The following OR7E24 variants were observed in gnomAD, a reference collection of about 807,000 sequenced individuals.
OR7E24 encodes olfactory receptor 7E24.
For synonymous variants in OR7E24, 130 were observed against 157.5 expected, an observed-to-expected ratio of 0.83 and a Z score of 1.31; for missense variants, 385 against 410.3, an observed-to-expected ratio of 0.94 and a Z score of 0.53.
At chr19:9,212,439 A>C in the OR7E24 span, 1 of 152,208 alleles carries the variant, frequency 6.6e-6, no homozygotes, top group African/African-American at 2.4e-5. Flanking sequence ...ATTCCAAATC[A>C]GTGAAAAATG....
At chr19:9,221,678 G>A in the OR7E24 span, among the ~76,000 whole-genome samples, 6 of 151,970 alleles carry the variant, frequency 3.9e-5, no homozygotes, top group South Asian at 2.1e-4. Flanking sequence ...AAATTGGGTC[G>A]TTTTCTTCCT....
upstream of OR7E24, among the ~76,000 whole-genome samples, chr19:9,249,144 C>T (rs577340316): frequency 3.2e-4 from 49 of 152,270 alleles, no homozygotes; most frequent in African/African-American, 1.2e-3. Flanking sequence ...CTGAAATATC[C>T]AGGAACCTAG....
Position 9,252,067 on chromosome 19 carries a change from T to C in OR7E24, c.*4T>C. 6.2e-7 allele frequency: 1 copy of C among 1,609,060 alleles called. No homozygotes were observed. The highest frequency in any genetic ancestry group is 1.1e-5 in the South Asian group (1 of 90,722). Reference sequence around the variant, plus strand: ...TCCTTTTTGTTATATGGGATAGAAATGGCAGCAAAATTTAACACCTAGGCC... The same window carrying C: ...TCCTTTTTGTTATATGGGATAGAAACGGCAGCAAAATTTAACACCTAGGCC... On this transcript the variant is annotated 3_prime_UTR_variant, in exon 1 of 1. Transcript: ENST00000456448.
chr19:9,233,446 C>T, the OR7E24 span, among the ~76,000 whole-genome samples: 2 of 152,232 alleles, frequency 1.3e-5, no homozygotes, highest in African/African-American at 2.4e-5. Flanking sequence ...CACGTACACA[C>T]GAGAACAGAC....
chr19:9,213,767 A>G, the OR7E24 span: 2 of 662,016 alleles, frequency 3.0e-6, no homozygotes, highest in African/African-American at 1.8e-5. Flanking sequence ...ACAACAAACA[A>G]CCCAATAACA....
At chr19:9,237,469 C>A in the OR7E24 span, among the ~76,000 whole-genome samples, 2 of 151,668 alleles carry the variant, frequency 1.3e-5, no homozygotes, top group Non-Finnish European at 2.9e-5. Flanking sequence ...CCCCACCACG[C>A]CTGGGTAATT....
At chr19:9,236,248 T>C in the OR7E24 span, 5 of 546,396 alleles carry the variant, frequency 9.2e-6, no homozygotes, top group Admixed American at 3.1e-5. Context: ...CACGGTGGCT[T>C]ACACCTGTAA....
At chr19:9,206,756 TTTAAG>T in the OR7E24 span, 3 of 152,244 alleles carry the variant, frequency 2.0e-5, no homozygotes, top group African/African-American at 7.2e-5. Flanking sequence ...GTATTTCAAA[TTTAAG>T]TTAATTTTCA....
the OR7E24 span, chr19:9,212,111 C>T: frequency 8.5e-5 from 13 of 152,140 alleles, no homozygotes; most frequent in African/African-American, 2.2e-4. Flanking sequence ...GTAGATGAAA[C>T]GTTTTGATAC....
the OR7E24 span, among the ~76,000 whole-genome samples, chr19:9,230,874 G>A: frequency 1.3e-5 from 2 of 152,012 alleles, no homozygotes; most frequent in Non-Finnish European, 2.9e-5. Context: ...GACTGCCTTG[G>A]CCTATTCATG....
chr19:9,249,663 A>T (rs576237512), upstream of OR7E24, among the ~76,000 whole-genome samples: 103 of 152,266 alleles, frequency 6.8e-4, no homozygotes, highest in Non-Finnish European at 1.2e-3. Context: ...GTATTTTAAC[A>T]TTACCTTGGC....
In OR7E24 at chr19:9,252,116, C is replaced by T; in HGVS notation, c.*53C>T. On this transcript the variant is annotated 3_prime_UTR_variant, in exon 1 of 1. Transcript: ENST00000456448. ...CCTGCAAATTCTGCCTCCTTGGTCA[C>T]ATTATTTTGGTTGCTTGATGGCTTT... 1 of 1,497,144 alleles carries T rather than the reference C, an allele frequency of 6.7e-7. No homozygotes were observed. Among genetic ancestry groups the T allele is most frequent in the East Asian group, 2.3e-5 (1 of 44,052 alleles). 92.7% of individuals were successfully genotyped at this position (1,497,144 alleles called of 1,614,324 possible).
In OR7E24 at chr19:9,251,661, G is replaced by A. The variant is rs2144945271; in HGVS notation, c.618G>A (p.Arg206=). The change falls in exon 1 of 1, where the codon AGG becomes AGA. Residue 206 remains arginine, a synonymous_variant. Coordinates refer to ENST00000456448, the MANE Select transcript of OR7E24 (RefSeq NM_001079935.2). ...FCDPSQLLHL[R]CSDTFINEMV... ...ACCCTTCTCAACTCCTCCACCTTAG[G>A]TGTTCCGACACCTTCATCAATGAAA... 6.2e-7 allele frequency: 1 copy of A among 1,613,718 alleles called. No individual in the cohort carries two copies. The highest frequency in any genetic ancestry group is 8.5e-7 in the Non-Finnish European group (1 of 1,179,836).
At chr19:9,215,362 A>ACC in the OR7E24 span, among the ~76,000 whole-genome samples, 1 of 151,428 alleles carries the variant, frequency 6.6e-6, no homozygotes, top group East Asian at 1.9e-4. Context: ...AAAAAAAAAA[A>ACC]AAACCTCTTT....
At chr19:9,213,904 G>A in the OR7E24 span, 3 of 1,612,486 alleles carry the variant, frequency 1.9e-6, no homozygotes, top group Non-Finnish European at 1.7e-6. Flanking sequence ...ATTTGTCATG[G>A]ACAAGAGTCG....
chr19:9,242,841 C>A (rs2066119789), upstream of OR7E24, among the ~76,000 whole-genome samples: 1 of 151,472 alleles, frequency 6.6e-6, no homozygotes, highest in African/African-American at 2.4e-5. Context: ...TTTTTACTTT[C>A]TTCCTTTCCT....
chr19:9,233,876 T>A, the OR7E24 span, among the ~76,000 whole-genome samples: 1 of 151,704 alleles, frequency 6.6e-6, no homozygotes, highest in South Asian at 2.1e-4. Flanking sequence ...AGAGGTGAAT[T>A]ATCTGCAGCT....
At chr19:9,235,146 G>A in the OR7E24 span, 1 of 1,100,848 alleles carries the variant, frequency 9.1e-7, no homozygotes, top group East Asian at 2.4e-5. Flanking sequence ...ACAGCTACAT[G>A]GAAGCAGAAA....
At chr19:9,246,383 T>G (rs141225057), upstream of OR7E24, among the ~76,000 whole-genome samples, 896 of 152,134 alleles carry the variant, frequency 5.9e-3, 9 homozygotes, top group African/African-American at 0.021. Flanking sequence ...TTGCTTATTA[T>G]AGTAATTTGC....
Sources: gnomAD v4.1 joint callset for allele counts (sites outside exome capture counted in the v4.1 genomes callset) on GRCh38, gnomAD v4.1.1 for gene constraint, MANE v1.5 for transcripts, NCBI Gene and HGNC (gene_info 2026-07-23, HGNC 2026-07-21) for gene names.